SSX2IP: variants seen among roughly 807,000 people sequenced by gnomAD.
SSX2IP encodes afadin- and alpha-actinin-binding protein.
In SSX2IP, 55 loss-of-function variants were observed where a neutral mutation model predicts 84.9. The ratio of observed to expected loss-of-function variants is 0.65; its 90% CI spans 0.52 to 0.81. The LOEUF (loss-of-function observed/expected upper bound fraction) is 0.81, where lower values mean the gene tolerates loss of function less well. Ranked by LOEUF, SSX2IP falls within the 30% of genes least tolerant of loss-of-function variation. The pLI is 0.00. For synonymous variants in SSX2IP, 239 were observed against 234.7 expected (o/e 1.02, Z -0.17); for missense variants, 664 against 705.2 (o/e 0.94, Z 0.66).
At chr1:84,670,490 C>T (rs566616518) in intron 3 of SSX2IP, 156 bp downstream of exon 3, 5 of 500,030 alleles carry the variant, frequency 1.0e-5, no homozygotes, top group Non-Finnish European at 1.7e-5. Flanking sequence ...CTTGCTATCT[C>T]TAGATGAGAT....
chr1:84,670,008 C>T (rs1047677737), intron 3 of SSX2IP, 115 bp from the exon 4 acceptor site: 16 of 694,270 alleles, frequency 2.3e-5, no homozygotes, highest in African/African-American at 9.0e-5. Context: ...TTGTACAACA[C>T]GGTGACCTCA....
chr1:84,689,881 T>C (rs1282085448), intron 1 of SSX2IP, among the ~76,000 whole-genome samples: 1 of 152,236 alleles, frequency 6.6e-6, no homozygotes, highest in Non-Finnish European at 1.5e-5. Context: ...TCTCTTCCAC[T>C]GCAGCGGCCA....
At chr1:84,666,700 C>T (rs1474886491) in intron 4 of SSX2IP, among the ~76,000 whole-genome samples, 1 of 152,082 alleles carries the variant, frequency 6.6e-6, no homozygotes, top group African/African-American at 2.4e-5. Context: ...AGTGGCAACA[C>T]ATCAAGTCAC....
chr1:84,644,155 T>C lies in SSX2IP; in HGVS notation c.*3278A>G, dbSNP rs1265950606. ...GAAAACAAAATCTAGCAAACAATCA[T>C]CTGTTACATAGTACTTCACAAAGGA... On this transcript the variant is annotated 3_prime_UTR_variant, in exon 14 of 14. Transcript: ENST00000342203. The C allele has an allele frequency of 6.6e-6, 1 of 152,174 alleles. No homozygotes were observed. The highest frequency in any genetic ancestry group is 1.5e-5 in the Non-Finnish European group (1 of 68,042). 9.4% of individuals were successfully genotyped at this position (152,174 alleles called of 1,614,324 possible). A position where few individuals can be genotyped will look rare whatever the true frequency, so the allele number is the denominator to read the frequency against.
intron 11 of SSX2IP, chr1:84,655,220 T>C (rs1481608740): frequency 1.8e-6 from 1 of 560,808 alleles, no homozygotes; most frequent in Admixed American, 5.5e-5. Flanking sequence ...AGATACTTTT[T>C]AACAGCAGTT....
At chr1:84,678,845 T>C (rs1654711299) in intron 1 of SSX2IP, among the ~76,000 whole-genome samples, 2 of 152,220 alleles carry the variant, frequency 1.3e-5, no homozygotes, top group Admixed American at 6.5e-5. Context: ...CTTTTCAAGG[T>C]CACTTGAAAG....
chr1:84,665,488 C>A (rs1030625101), intron 5 of SSX2IP, among the ~76,000 whole-genome samples: 2 of 152,070 alleles, frequency 1.3e-5, no homozygotes, highest in Non-Finnish European at 2.9e-5. Context: ...ATTACATGGT[C>A]AGGGGTCATA....
At chr1:84,660,996 G>T (rs1651886851) in intron 8 of SSX2IP, among the ~76,000 whole-genome samples, 1 of 149,420 alleles carries the variant, frequency 6.7e-6, no homozygotes, top group Non-Finnish European at 1.5e-5. Context: ...GAACTCGGGA[G>T]GCAGAGGTTG....
In SSX2IP at chr1:84,685,099, A is replaced by C. The variant is rs1655602948; in HGVS notation, c.-90+5272T>G. Among the ~76,000 whole-genome samples the C allele has an allele frequency of 2.6e-5, 4 of 152,334 alleles. No individual in the cohort carries two copies. In the South Asian group the frequency reaches 8.3e-4, roughly 32 times the overall value. ...ATATAAACTAATTCTTTACACCTGA[A>C]GTCCTTTAAAATGCTTTAAATACAT... is the stretch of plus-strand genomic sequence containing the variant. On this transcript the variant is annotated intron_variant, in intron 1 of 13. Coordinates refer to ENST00000342203, the MANE Select transcript of SSX2IP (RefSeq NM_001166293.2).
At chr1:84,685,891 G>A (rs985164276) in intron 1 of SSX2IP, among the ~76,000 whole-genome samples, 1 of 152,214 alleles carries the variant, frequency 6.6e-6, no homozygotes, top group African/African-American at 2.4e-5. Context: ...AGATAGGAAA[G>A]CACAACCAGA....
chr1:84,650,334 C>T (rs745542460), intron 13 of SSX2IP, 28 bp downstream of exon 13: 18 of 1,613,414 alleles, frequency 1.1e-5, no homozygotes, highest in Middle Eastern at 1.7e-4. Flanking sequence ...TTTAGAAACA[C>T]GTGAAAAGAT....
chr1:84,689,641 A>T (rs1656303376), intron 1 of SSX2IP, among the ~76,000 whole-genome samples: 1 of 152,206 alleles, frequency 6.6e-6, no homozygotes, highest in African/African-American at 2.4e-5. Flanking sequence ...GCAGACAGCA[A>T]ATTAGTATAT....
rs558885173 is a variant in SSX2IP at position 84,677,607 on chromosome 1, G to T, written c.-89-6299C>A. Among the ~76,000 whole-genome samples the T allele has an allele frequency of 7.9e-4, 120 of 152,230 alleles. 1 individual carries two copies. Among genetic ancestry groups the T allele is most frequent in the African/African-American group, 2.9e-3 (119 of 41,530 alleles). ...AAACAGAATATAGCAGAAGTGAAGG[G>T]ATTTCACTTCCAAAATTAGGTTATA... On this transcript the variant is annotated intron_variant, in intron 1 of 13. Coordinates refer to ENST00000342203, the MANE Select transcript of SSX2IP (RefSeq NM_001166293.2).
At chr1:84,685,112 G>A (rs763239119) in intron 1 of SSX2IP, among the ~76,000 whole-genome samples, 2 of 152,150 alleles carry the variant, frequency 1.3e-5, no homozygotes, top group Non-Finnish European at 2.9e-5. Context: ...CCTTTAAAAT[G>A]CTTTAAATAC....
intron 1 of SSX2IP, among the ~76,000 whole-genome samples, chr1:84,684,804 CAT>C (rs997927623): frequency 2.0e-5 from 3 of 151,870 alleles, no homozygotes; most frequent in Admixed American, 1.3e-4. Flanking sequence ...TTCAGTGACA[CAT>C]AATATAAATT....
intron 6 of SSX2IP, among the ~76,000 whole-genome samples, chr1:84,663,005 T>C (rs868019355): frequency 6.6e-6 from 1 of 152,144 alleles, no homozygotes; most frequent in Non-Finnish European, 1.5e-5. Flanking sequence ...ACTTTTCTTG[T>C]TACAATGGCA....
At chr1:84,681,801 T>C (rs777401346) in intron 1 of SSX2IP, among the ~76,000 whole-genome samples, 9 of 152,148 alleles carry the variant, frequency 5.9e-5, no homozygotes, top group Non-Finnish European at 1.2e-4. Context: ...CGCATACCCA[T>C]GAGCAAGGGT....
chr1:84,658,068 G>GGA, intron 9 of SSX2IP: 1 of 350,044 alleles, frequency 2.9e-6, no homozygotes, highest in Non-Finnish European at 5.1e-6. Flanking sequence ...CCTGGGAGGC[G>GGA]GAGGTTACAG....
rs369423311 is a variant in SSX2IP, at chr1:84,645,084, TAAAC to T, written c.*2345_*2348del. On this transcript the variant is annotated 3_prime_UTR_variant, in exon 14 of 14. Coordinates refer to ENST00000342203, the MANE Select transcript of SSX2IP (RefSeq NM_001166293.2). Reference sequence around the variant, plus strand: ...AAAATATTTCAGATTTACATAGTGATAAACAAGAAAGCACTTATCAGGAGGACTT... The same window carrying T: ...AAAATATTTCAGATTTACATAGTGATAAGAAAGCACTTATCAGGAGGACTT... 15 of 152,318 alleles carry T rather than the reference TAAAC, an allele frequency of 9.8e-5. No homozygotes were observed. The East Asian group carries it at 2.5e-3, about 25-fold the overall frequency. The allele number at this position is 152,318 out of a possible 1,614,324, so 9.4% of individuals were successfully genotyped here. A position where few individuals can be genotyped will look rare whatever the true frequency, so the allele number is the denominator to read the frequency against.
Sources: gnomAD v4.1 joint callset for allele counts (sites outside exome capture counted in the v4.1 genomes callset) on GRCh38, gnomAD v4.1.1 for gene constraint, MANE v1.5 for transcripts, NCBI Gene and HGNC (gene_info 2026-07-23, HGNC 2026-07-21) for gene names.